Variants in NCKAP5 observed in about 807,000 individuals in gnomAD.
NCKAP5 encodes NCK associated protein 5, also known as nck-associated protein 5.
A neutral mutation model predicts 167.0 loss-of-function variants in NCKAP5; 92 were observed. The ratio of observed to expected loss-of-function variants is 0.55; its 90% CI spans 0.47 to 0.66. The LOEUF is 0.66. Among genes scored for constraint, NCKAP5 ranks in the 30% least tolerant of loss-of-function variants. NCKAP5 has a pLI of 0.00. For missense variants in NCKAP5, 2,378 were observed against 2,315.0 expected (o/e 1.03, Z -0.56); for synonymous variants, 891 against 877.4 (o/e 1.02, Z -0.27).
intron 16 of NCKAP5, among the ~76,000 whole-genome samples, chr2:132,735,622 T>C (rs968473026): frequency 2.6e-5 from 4 of 152,240 alleles, no homozygotes; most frequent in Non-Finnish European, 4.4e-5. Flanking sequence ...AGCTTGGTGA[T>C]AGGCAGACTT....
intron 4 of NCKAP5, among the ~76,000 whole-genome samples, chr2:133,288,570 CT>C (rs370426619): frequency 0.02 from 2,851 of 145,138 alleles, 40 homozygotes; most frequent in African/African-American, 0.039. Context: ...GTACAATTAA[CT>C]TTTTTTTTTT....
At chr2:133,158,278 G>A (rs1020104036) in intron 5 of NCKAP5, among the ~76,000 whole-genome samples, 1 of 152,174 alleles carries the variant, frequency 6.6e-6, no homozygotes, top group African/African-American at 2.4e-5. Context: ...AACAGGTAAT[G>A]TGGGCAAATA....
At chr2:133,249,933 C>T (rs1027447301) in intron 4 of NCKAP5, among the ~76,000 whole-genome samples, 2 of 151,286 alleles carry the variant, frequency 1.3e-5, no homozygotes, top group African/African-American at 2.4e-5. Context: ...TCTGAAGCAA[C>T]GTAAAGAAGG....
intron 3 of NCKAP5, among the ~76,000 whole-genome samples, chr2:133,431,399 T>C (rs747564970): frequency 4.6e-5 from 7 of 152,058 alleles, no homozygotes; most frequent in Non-Finnish European, 1.0e-4. Flanking sequence ...CCACCCACTC[T>C]GGACTTTTAG....
At chr2:133,408,781 C>T (rs753498713) in intron 3 of NCKAP5, among the ~76,000 whole-genome samples, 13 of 152,310 alleles carry the variant, frequency 8.5e-5, no homozygotes, top group Admixed American at 3.3e-4. Flanking sequence ...CTTTCTGCTG[C>T]CCCTCTTGTG....
intron 6 of NCKAP5, among the ~76,000 whole-genome samples, chr2:133,054,285 C>T (rs1248446390): frequency 6.6e-6 from 1 of 152,168 alleles, no homozygotes; most frequent in African/African-American, 2.4e-5. Context: ...TACCTCCCCA[C>T]CCCAGTAGGG....
chr2:133,399,662 T>C (rs1011694833), intron 3 of NCKAP5, among the ~76,000 whole-genome samples: 1 of 152,192 alleles, frequency 6.6e-6, no homozygotes, highest in Non-Finnish European at 1.5e-5. Context: ...TTCAATAATA[T>C]TTAGAAATAT....
At chr2:133,040,839 G>A (rs2079195369) in intron 6 of NCKAP5, among the ~76,000 whole-genome samples, 1 of 152,080 alleles carries the variant, frequency 6.6e-6, no homozygotes, top group Non-Finnish European at 1.5e-5. Flanking sequence ...AGTTGGGCTG[G>A]TCTATATTTC....
At chr2:132,869,554 T>C (rs1044189551) in intron 9 of NCKAP5, among the ~76,000 whole-genome samples, 5 of 152,180 alleles carry the variant, frequency 3.3e-5, no homozygotes, top group Admixed American at 2.0e-4. Context: ...ACAACATCCA[T>C]TTTTTCCCTT....
intron 4 of NCKAP5, among the ~76,000 whole-genome samples, chr2:133,242,792 A>G (rs1430409185): frequency 6.6e-6 from 1 of 152,194 alleles, no homozygotes; most frequent in Non-Finnish European, 1.5e-5. Flanking sequence ...GCAAAAGTGA[A>G]TGTCTATTTC....
intron 5 of NCKAP5, among the ~76,000 whole-genome samples, chr2:133,190,552 G>A (rs1255360060): frequency 6.6e-6 from 1 of 152,146 alleles, no homozygotes; most frequent in East Asian, 1.9e-4. Flanking sequence ...AAACAGCATG[G>A]TACTGGTACC....
chr2:133,476,953 T>C (rs1324686159), intron 3 of NCKAP5, among the ~76,000 whole-genome samples: 1 of 152,208 alleles, frequency 6.6e-6, no homozygotes, highest in Admixed American at 6.5e-5. Flanking sequence ...CCATGGTCCC[T>C]TATTTGAAAT....
At chr2:133,624,666 TCA>T in the NCKAP5 span, among the ~76,000 whole-genome samples, 1 of 152,218 alleles carries the variant, frequency 6.6e-6, no homozygotes, top group African/African-American at 2.4e-5. Context: ...ATAAAATCAT[TCA>T]CAGTTATTGC....
intron 3 of NCKAP5, among the ~76,000 whole-genome samples, chr2:133,461,211 ATTTATC>A (rs949790509): frequency 3.3e-5 from 5 of 152,192 alleles, no homozygotes; most frequent in African/African-American, 9.6e-5. Context: ...TAGAAACATT[ATTTATC>A]TTTGAGAGGT....
intron 8 of NCKAP5, among the ~76,000 whole-genome samples, chr2:132,925,623 C>G (rs67609170): frequency 1.3e-5 from 2 of 151,070 alleles, no homozygotes; most frequent in African/African-American, 4.9e-5. Flanking sequence ...GGCAGAGGAG[C>G]TCAGGCAGTA....
chr2:132,743,402 AAT>A (rs1323851493), intron 16 of NCKAP5, among the ~76,000 whole-genome samples: 2 of 151,832 alleles, frequency 1.3e-5, no homozygotes, highest in African/African-American at 2.4e-5. Context: ...ATAGAAGTAA[AAT>A]ATATAACAGC....
At chr2:133,347,091 G>T (rs1684028474) in intron 3 of NCKAP5, among the ~76,000 whole-genome samples, 1 of 152,190 alleles carries the variant, frequency 6.6e-6, no homozygotes, top group African/African-American at 2.4e-5. Flanking sequence ...TATGTTAAAA[G>T]TTCTACAAAG....
chr2:133,625,472 A>T, the NCKAP5 span, among the ~76,000 whole-genome samples: 1 of 152,156 alleles, frequency 6.6e-6, no homozygotes, highest in African/African-American at 2.4e-5. Flanking sequence ...CAGGAGGTGT[A>T]CATGGGGGGC....
chr2:133,179,191 C>T (rs1343311504), intron 5 of NCKAP5, among the ~76,000 whole-genome samples: 1 of 150,422 alleles, frequency 6.6e-6, no homozygotes, highest in Non-Finnish European at 1.5e-5. Flanking sequence ...GTTGAGTATA[C>T]CTTATTTAAA....
Sources: gnomAD v4.1 joint callset for allele counts (sites outside exome capture counted in the v4.1 genomes callset) on GRCh38, gnomAD v4.1.1 for gene constraint, MANE v1.5 for transcripts, NCBI Gene and HGNC (gene_info 2026-07-23, HGNC 2026-07-21) for gene names.